DOCK8: variants seen among roughly 807,000 people sequenced by gnomAD.
DOCK8 encodes the protein dedicator of cytokinesis 8, also known as dedicator of cytokinesis protein 8.
DOCK8 carries 141 observed loss-of-function variants against 245.6 expected under a neutral mutation model. That is an observed-to-expected ratio of 0.57 (90% confidence interval 0.50 to 0.66). The LOEUF (loss-of-function observed/expected upper bound fraction) is 0.66. Among genes scored for constraint, DOCK8 ranks in the 30% least tolerant of loss-of-function variants. The pLI is 0.00. For synonymous variants in DOCK8, 1,168 were observed against 970.2 expected, an observed-to-expected ratio of 1.20 and a Z score of -3.79; for missense variants, 2,965 against 2,603.4, an observed-to-expected ratio of 1.14 and a Z score of -3.02.
intron 1 of DOCK8, among the ~76,000 whole-genome samples, chr9:261,267 A>G (rs2129774750): frequency 6.6e-6 from 1 of 152,320 alleles, no homozygotes; most frequent in East Asian, 1.9e-4. Flanking sequence ...AACTATGTCT[A>G]AATATTACAT....
chr9:392,927 A>G (rs905847798), intron 24 of DOCK8, among the ~76,000 whole-genome samples: 2 of 151,796 alleles, frequency 1.3e-5, no homozygotes, highest in African/African-American at 2.4e-5. Context: ...GCTCTGCAAA[A>G]ATGAAAAAAT....
chr9:226,082 C>G (rs1275661471), intron 1 of DOCK8, among the ~76,000 whole-genome samples: 1 of 152,124 alleles, frequency 6.6e-6, no homozygotes, highest in Non-Finnish European at 1.5e-5. Context: ...TGAAGAAATA[C>G]CCAAGACTGG....
intron 19 of DOCK8, 130 bp from the exon 20 acceptor site, chr9:376,847 C>G: frequency 2.4e-6 from 2 of 824,768 alleles, no homozygotes; most frequent in South Asian, 2.9e-5. Context: ...AACATCATGT[C>G]TTAGACCTTC....
chr9:332,679 G>A (rs1381006221), intron 10 of DOCK8, among the ~76,000 whole-genome samples: 1 of 106,802 alleles, frequency 9.4e-6, no homozygotes, highest in Non-Finnish European at 1.8e-5. Context: ...TTTTTTTGAG[G>A]CAGTGTCTTA....
chr9:428,453 A>G lies in DOCK8; in HGVS notation c.4430A>G (p.Tyr1477Cys). 1 of 1,614,158 alleles carries G rather than the reference A, an allele frequency of 6.2e-7. No homozygotes were observed. The highest frequency in any genetic ancestry group is 8.5e-7 in the Non-Finnish European group (1 of 1,180,000). The change falls in exon 35 of 48, where the codon TAC becomes TGC. Residue 1477 changes from tyrosine to cysteine, a missense_variant. Physicochemically the swap from Tyr to Cys is radical, Grantham distance 194 (BLOSUM62 -2). Transcript: ENST00000432829. The stretch of plus-strand genomic sequence containing the variant: ...CTGAACTGTGATCAGAGTACCACCT[A>G]CCTGACTCACTGCTTTGCAACACTC... ...NSLNCDQSTT[Y>C]LTHCFATLRA... is the part of the protein sequence containing the mutation.
chr9:282,947 A>G (rs78647598), intron 2 of DOCK8, among the ~76,000 whole-genome samples: 3,924 of 152,204 alleles, frequency 0.026, 82 homozygotes, highest in South Asian at 0.058. Flanking sequence ...ACTTTTATTT[A>G]CTTACTATTA....
rs115024213 is a variant in DOCK8 at position 431,276 on chromosome 9, G to C, written c.4627-890G>C. 7.6e-3 allele frequency among the ~76,000 whole-genome samples: 1,152 copies of C among 152,170 alleles called. 14 individuals carry two copies. Among genetic ancestry groups the C allele is most frequent in the African/African-American group, 0.026 (1,088 of 41,502 alleles). On this transcript the variant is annotated intron_variant, in intron 36 of 47. Coordinates refer to ENST00000432829, the MANE Select transcript of DOCK8 (RefSeq NM_203447.4). The stretch of plus-strand genomic sequence containing the variant: ...TGTCTAGATTTTGATACCTTCTTTG[G>C]AATTTCCATTTGTGGCCATGTTAAT...
Position 214,943 on chromosome 9 carries a change from G to A in DOCK8, c.-34G>A, listed in dbSNP as rs777606790. On this transcript the variant is annotated 5_prime_UTR_variant, in exon 1 of 48. Coordinates refer to ENST00000432829, the MANE Select transcript of DOCK8 (RefSeq NM_203447.4). ...GCCAGGCCCCCGCTTTCCGCACCCC[G>A]CGACCCTAGAAGCCACCGAACCGCC... The A allele has an allele frequency of 1.2e-6, 2 of 1,604,278 alleles. No homozygotes were observed. Among genetic ancestry groups the A allele is most frequent in the East Asian group, 4.5e-5 (2 of 44,156 alleles).
chr9:290,657 T>G (rs956159701), intron 4 of DOCK8, among the ~76,000 whole-genome samples: 5 of 152,230 alleles, frequency 3.3e-5, no homozygotes, highest in African/African-American at 9.6e-5. Context: ...ATTCTCAGCC[T>G]GCATGGGTGT....
rs575747273 is a variant in DOCK8, at chr9:448,028, T to C, written c.5817+1422T>C. On this transcript the variant is annotated intron_variant, in intron 44 of 47. Coordinates refer to ENST00000432829, the MANE Select transcript of DOCK8 (RefSeq NM_203447.4). Reference sequence around the variant, plus strand: ...ATTTCAAAACCTTTTCTTTTCTTCATTCCTGCCTTCCTTTCCTTTCCTTCC... The same window carrying C: ...ATTTCAAAACCTTTTCTTTTCTTCACTCCTGCCTTCCTTTCCTTTCCTTCC... Among the ~76,000 whole-genome samples, 40 of 122,866 alleles carry C rather than the reference T, an allele frequency of 3.3e-4. No homozygotes were observed. The South Asian group carries it at 8.3e-3, about 25-fold the overall frequency. 80.6% of individuals were successfully genotyped at this position (122,866 alleles called of 152,430 possible).
At chr9:406,861 A>G in intron 27 of DOCK8, 69 bp from the exon 28 acceptor site, 1 of 1,606,580 alleles carries the variant, frequency 6.2e-7, no homozygotes, top group African/African-American at 1.3e-5. Flanking sequence ...AGGACTCAGT[A>G]AACACTGGCC....
At chr9:222,089 A>G (rs2046895091) in intron 1 of DOCK8, among the ~76,000 whole-genome samples, 1 of 151,938 alleles carries the variant, frequency 6.6e-6, no homozygotes, top group Non-Finnish European at 1.5e-5. Flanking sequence ...GTGAGACACC[A>G]GCTCTACAAA....
intron 38 of DOCK8, 67 bp downstream of exon 38, chr9:434,042 T>C: frequency 3.6e-6 from 4 of 1,119,688 alleles, no homozygotes; most frequent in Non-Finnish European, 5.5e-6. Flanking sequence ...GTGGAGTTCT[T>C]ACTAATGTAA....
intron 9 of DOCK8, among the ~76,000 whole-genome samples, chr9:331,513 T>A (rs1313954884): frequency 6.6e-6 from 1 of 152,238 alleles, no homozygotes; most frequent in Non-Finnish European, 1.5e-5. Flanking sequence ...TAAGTATGTG[T>A]CCCTTTTGTA....
chr9:289,916 T>C (rs2048970427), intron 4 of DOCK8, among the ~76,000 whole-genome samples: 1 of 152,252 alleles, frequency 6.6e-6, no homozygotes. Flanking sequence ...TATATGCCTT[T>C]ACAGTATCAT....
At chr9:214,431 T>C (rs930144867), upstream of DOCK8, 38 of 1,453,958 alleles carry the variant, frequency 2.6e-5, no homozygotes, top group Non-Finnish European at 3.2e-5. Flanking sequence ...TGAATCCTGA[T>C]AGATTCCACT....
chr9:425,647 A>C (rs2056468389), intron 33 of DOCK8, among the ~76,000 whole-genome samples: 1 of 151,596 alleles, frequency 6.6e-6, no homozygotes. Context: ...GGTCCCAGAT[A>C]CTCAGGAGGC....
chr9:460,035 T>A (rs991450414), intron 46 of DOCK8: 6 of 152,220 alleles, frequency 3.9e-5, no homozygotes, highest in African/African-American at 1.4e-4. Flanking sequence ...GTGGCCATTT[T>A]CAGAAATACA....
chr9:243,951 G>A (rs1435844923), intron 1 of DOCK8, among the ~76,000 whole-genome samples: 5 of 152,018 alleles, frequency 3.3e-5, no homozygotes, highest in Admixed American at 1.3e-4. Flanking sequence ...TTGGGAGGCC[G>A]AGGCGGGCAG....
Sources: gnomAD v4.1 joint callset for allele counts (sites outside exome capture counted in the v4.1 genomes callset) on GRCh38, gnomAD v4.1.1 for gene constraint, MANE v1.5 for transcripts, NCBI Gene and HGNC (gene_info 2026-07-23, HGNC 2026-07-21) for gene names.